The following SPRED2 variants were observed in gnomAD, a reference collection of about 807,000 sequenced individuals.
The protein encoded by SPRED2 is sprouty-related, EVH1 domain-containing protein 2.
SPRED2 carries 47 observed loss-of-function variants against 43.0 expected under a neutral mutation model. The ratio of observed to expected loss-of-function variants is 1.09; its 90% CI spans 0.87 to 1.40. SPRED2 has a LOEUF of 1.40. Ranked by LOEUF, SPRED2 falls within the 40% of genes most tolerant of loss-of-function variation. The pLI is 0.00. For synonymous variants in SPRED2, 225 were observed against 225.7 expected (o/e 1.00, Z 0.03); for missense variants, 561 against 586.4 (o/e 0.96, Z 0.45).
intron 1 of SPRED2, among the ~76,000 whole-genome samples, chr2:65,381,562 C>T (rs1675374574): frequency 6.6e-6 from 1 of 152,192 alleles, no homozygotes; most frequent in African/African-American, 2.4e-5. Context: ...TTGCATAGTA[C>T]CTTCATACAG....
chr2:65,356,102 C>G (rs1047863719), intron 1 of SPRED2, among the ~76,000 whole-genome samples: 2 of 152,160 alleles, frequency 1.3e-5, no homozygotes, highest in Admixed American at 6.5e-5. Context: ...AACTCCTATG[C>G]CTGACTTTCT....
intron 1 of SPRED2, among the ~76,000 whole-genome samples, chr2:65,397,070 T>C (rs1473985992): frequency 6.6e-6 from 1 of 150,614 alleles, no homozygotes; most frequent in African/African-American, 2.4e-5. Flanking sequence ...GAATCGTTCA[T>C]GAAAAAAAAA....
chr2:65,353,022 C>T (rs1273186445), intron 1 of SPRED2, among the ~76,000 whole-genome samples: 2 of 152,182 alleles, frequency 1.3e-5, no homozygotes, highest in South Asian at 2.1e-4. Flanking sequence ...ATACAAAACA[C>T]GGTACCTAAA....
chr2:65,360,522 C>T (rs550400761), intron 1 of SPRED2, among the ~76,000 whole-genome samples: 1 of 152,344 alleles, frequency 6.6e-6, no homozygotes, highest in South Asian at 2.1e-4. Flanking sequence ...TATGCTATAA[C>T]ATGGATGAAT....
intron 1 of SPRED2, among the ~76,000 whole-genome samples, chr2:65,346,031 C>G (rs1183076701): frequency 6.6e-6 from 1 of 152,196 alleles, no homozygotes; most frequent in Non-Finnish European, 1.5e-5. Flanking sequence ...AACAGATTCT[C>G]AGGAAACAAA....
intron 1 of SPRED2, among the ~76,000 whole-genome samples, chr2:65,359,192 A>C (rs921205530): frequency 1.3e-5 from 2 of 152,216 alleles, no homozygotes; most frequent in Non-Finnish European, 2.9e-5. Flanking sequence ...GACTACACAG[A>C]GGGACAGGAT....
chr2:65,367,249 A>G (rs1675000784), intron 1 of SPRED2, among the ~76,000 whole-genome samples: 1 of 152,158 alleles, frequency 6.6e-6, no homozygotes, highest in South Asian at 2.1e-4. Context: ...TAAAATGTCT[A>G]CTTTTTTAGA....
chr2:65,373,550 T>C (rs1160073418), intron 1 of SPRED2: 1 of 152,254 alleles, frequency 6.6e-6, no homozygotes, highest in Admixed American at 6.5e-5. Context: ...TTATGTAATA[T>C]GCAAACACTG....
intron 4 of SPRED2, among the ~76,000 whole-genome samples, chr2:65,320,245 C>T (rs1385845956): frequency 1.3e-5 from 2 of 152,184 alleles, no homozygotes; most frequent in African/African-American, 4.8e-5. Context: ...GCTCTCAGTA[C>T]TTAGTTCTCA....
intron 4 of SPRED2, among the ~76,000 whole-genome samples, chr2:65,320,968 C>T (rs1673391449): frequency 6.6e-6 from 1 of 152,220 alleles, no homozygotes; most frequent in Non-Finnish European, 1.5e-5. Context: ...TGTGCACAAG[C>T]TACTGACACC....
intron 1 of SPRED2, among the ~76,000 whole-genome samples, chr2:65,364,471 C>T (rs1443738309): frequency 6.6e-6 from 1 of 152,242 alleles, no homozygotes; most frequent in Non-Finnish European, 1.5e-5. Context: ...CTAAAAACCA[C>T]GTGGTTCCTT....
At chr2:65,416,918 T>C (rs887668993) in intron 1 of SPRED2, among the ~76,000 whole-genome samples, 6 of 152,208 alleles carry the variant, frequency 3.9e-5, no homozygotes, top group Non-Finnish European at 7.3e-5. Context: ...AGTTAACCTA[T>C]GGTGCAGTGG....
intron 4 of SPRED2, among the ~76,000 whole-genome samples, chr2:65,322,286 ATATATATAT>A (rs1673449451): frequency 2.0e-5 from 2 of 98,354 alleles, no homozygotes; most frequent in African/African-American, 9.6e-5. Context: ...ATATATATAT[ATATATATAT>A]TTTTTTTTTT....
At position 65,386,350 on chromosome 2, in the gene SPRED2, C is replaced by A. The variant is rs534887813; in HGVS notation, c.27-41454G>T. 9.4e-5 allele frequency among the ~76,000 whole-genome samples: 14 copies of A among 149,274 alleles called. No individual in the cohort carries two copies. In the South Asian group the frequency reaches 3.0e-3, roughly 32 times the overall value. ...GTCTTCACTAGATTTAATCAAGGGA[C>A]CTTCTTACCCCAGCAGGGCATTCAG... is the stretch of plus-strand genomic sequence containing the variant. On this transcript the variant is annotated intron_variant, in intron 1 of 5. Transcript: ENST00000356388.
intron 5 of SPRED2, among the ~76,000 whole-genome samples, chr2:65,315,202 G>A (rs1201316930): frequency 1.4e-5 from 2 of 145,960 alleles, no homozygotes; most frequent in African/African-American, 5.6e-5. Flanking sequence ...GTTTTTCAGG[G>A]GTTGAGGAAC....
At chr2:65,339,884 A>G (rs1268111538) in intron 2 of SPRED2, among the ~76,000 whole-genome samples, 4 of 152,160 alleles carry the variant, frequency 2.6e-5, no homozygotes, top group African/African-American at 9.7e-5. Context: ...AGGCTATTAA[A>G]ATATTTCTCC....
intron 4 of SPRED2, among the ~76,000 whole-genome samples, chr2:65,319,086 A>G (rs1032816499): frequency 2.0e-5 from 3 of 152,246 alleles, no homozygotes; most frequent in Non-Finnish European, 2.9e-5. Flanking sequence ...AAGCACTACA[A>G]GAATTTAGGA....
intron 2 of SPRED2, among the ~76,000 whole-genome samples, chr2:65,338,229 C>T (rs1674033579): frequency 2.0e-5 from 2 of 99,102 alleles, no homozygotes; most frequent in Non-Finnish European, 4.2e-5. Flanking sequence ...CCCTCTCCCT[C>T]TCCCGTCTCC....
In SPRED2 at chr2:65,328,158, A is replaced by G. The variant is rs1673702011; in HGVS notation, c.438+3829T>C. Among the ~76,000 whole-genome samples, 3 of 152,176 alleles carry G rather than the reference A, an allele frequency of 2.0e-5. 1 individual carries two copies. The South Asian group carries it at 6.2e-4, about 32-fold the overall frequency. ...CAATCCCTTAATGCTAAAGATAATG[A>G]CACCAGAAAATATTTTTGATCAACT... On this transcript the variant is annotated intron_variant, in intron 4 of 5. Transcript: ENST00000356388.
Sources: gnomAD v4.1 joint callset for allele counts (sites outside exome capture counted in the v4.1 genomes callset) on GRCh38, gnomAD v4.1.1 for gene constraint, MANE v1.5 for transcripts, NCBI Gene and HGNC (gene_info 2026-07-23, HGNC 2026-07-21) for gene names.